Variants in MED13L observed in about 807,000 individuals in gnomAD.
The protein encoded by MED13L is mediator of RNA polymerase II transcription subunit 13-like.
Under a neutral mutation model 220.9 loss-of-function variants are expected in MED13L, and 7 were observed. The ratio of observed to expected loss-of-function variants is 0.03; its 90% CI spans 0.02 to 0.06. The LOEUF (loss-of-function observed/expected upper bound fraction) is 0.06, where lower values mean the gene tolerates loss of function less well. Among genes scored for constraint, MED13L ranks in the 10% least tolerant of loss-of-function variants. The pLI is 1.00. For missense variants in MED13L, 1,965 were observed against 2,760.5 expected, an observed-to-expected ratio of 0.71 and a Z score of 6.46; for synonymous variants, 1,011 against 1,015.2, an observed-to-expected ratio of 1.00 and a Z score of 0.08.
chr12:116,224,115 G>A (rs1868721803), intron 2 of MED13L, among the ~76,000 whole-genome samples: 1 of 152,160 alleles, frequency 6.6e-6, no homozygotes, highest in East Asian at 1.9e-4. Flanking sequence ...TCCCCATACA[G>A]TTTATAATCT....
chr12:116,142,675 T>C (rs1877178461), intron 2 of MED13L, among the ~76,000 whole-genome samples: 1 of 151,756 alleles, frequency 6.6e-6, no homozygotes, highest in Admixed American at 6.6e-5. Context: ...ACGACAAGAG[T>C]GAGGCCCAGT....
intron 20 of MED13L, 38 bp from the exon 21 acceptor site, chr12:115,983,578 T>C (rs2137275979): frequency 6.2e-7 from 1 of 1,608,406 alleles, no homozygotes; most frequent in South Asian, 1.1e-5. Flanking sequence ...TTTAGTGATA[T>C]TCTGCAGTGT....
At chr12:116,112,343 T>G (rs1874161729) in intron 2 of MED13L, among the ~76,000 whole-genome samples, 1 of 152,218 alleles carries the variant, frequency 6.6e-6, no homozygotes, top group African/African-American at 2.4e-5. Context: ...TCCTCTCTTT[T>G]ACTTGTTATC....
At chr12:115,970,034 C>T (rs765640006) in intron 27 of MED13L, among the ~76,000 whole-genome samples, 11 of 152,046 alleles carry the variant, frequency 7.2e-5, no homozygotes, top group Admixed American at 2.0e-4. Flanking sequence ...TTTTCCTCAT[C>T]CCATTTACCA....
chr12:116,039,282 G>A (rs1881382346), intron 4 of MED13L, among the ~76,000 whole-genome samples: 1 of 152,204 alleles, frequency 6.6e-6, no homozygotes, highest in African/African-American at 2.4e-5. Flanking sequence ...TAGCCTTTCA[G>A]AGACCAGGGC....
At chr12:116,189,751 A>T (rs773744338) in intron 2 of MED13L, among the ~76,000 whole-genome samples, 50 of 152,212 alleles carry the variant, frequency 3.3e-4, no homozygotes, top group Non-Finnish European at 4.7e-4. Context: ...TTTTAGAGTT[A>T]TAAGACCTTT....
At chr12:116,257,968 T>TA (rs1250875246) in intron 1 of MED13L, among the ~76,000 whole-genome samples, 3 of 152,146 alleles carry the variant, frequency 2.0e-5, no homozygotes, top group Non-Finnish European at 4.4e-5. Context: ...GATGAAACTT[T>TA]AAAAAAACGT....
chr12:116,218,331 C>G (rs1485701102), intron 2 of MED13L, among the ~76,000 whole-genome samples: 1 of 152,202 alleles, frequency 6.6e-6, no homozygotes, highest in Non-Finnish European at 1.5e-5. Flanking sequence ...CCCACTCCTT[C>G]TAAATATAAC....
intron 2 of MED13L, among the ~76,000 whole-genome samples, chr12:116,136,449 T>C (rs915893071): frequency 6.6e-6 from 1 of 152,234 alleles, no homozygotes; most frequent in African/African-American, 2.4e-5. Flanking sequence ...TGTATGTGTG[T>C]GTGTATGAGA....
chr12:116,246,806 G>A (rs1871132139), intron 1 of MED13L, among the ~76,000 whole-genome samples: 1 of 83,292 alleles, frequency 1.2e-5, no homozygotes, highest in South Asian at 5.6e-4. Context: ...GGGGAGGGAG[G>A]TGGGGAGGGG....
intron 4 of MED13L, among the ~76,000 whole-genome samples, chr12:116,023,994 T>A (rs897048893): frequency 4.6e-5 from 7 of 152,116 alleles, no homozygotes; most frequent in African/African-American, 1.7e-4. Flanking sequence ...AAAATATAGT[T>A]TTACTGATTG....
At chr12:116,082,986 T>C (rs1437145329) in intron 4 of MED13L, among the ~76,000 whole-genome samples, 2 of 152,260 alleles carry the variant, frequency 1.3e-5, no homozygotes, top group Non-Finnish European at 1.5e-5. Context: ...CATTTAATTT[T>C]GACAAGTTGA....
At chr12:116,106,857 G>C (rs1873626127) in intron 3 of MED13L, among the ~76,000 whole-genome samples, 1 of 148,368 alleles carries the variant, frequency 6.7e-6, no homozygotes, top group African/African-American at 2.5e-5. Context: ...AAAAAAAAAG[G>C]GAAAAAAAAA....
intron 4 of MED13L, among the ~76,000 whole-genome samples, chr12:116,040,401 C>A (rs894636087): frequency 3.3e-5 from 5 of 152,164 alleles, no homozygotes; most frequent in Admixed American, 2.6e-4. Flanking sequence ...ACTACAAAAT[C>A]TGATTAATAT....
At chr12:116,236,727 A>T in intron 2 of MED13L, 1 of 588,466 alleles carries the variant, frequency 1.7e-6, no homozygotes, top group African/African-American at 2.0e-5. Context: ...AAAGGTAAAA[A>T]TTTTTACCAG....
intron 3 of MED13L, among the ~76,000 whole-genome samples, chr12:116,102,703 C>CTTTTTCCTTTTTTTTTTTTT (rs1873177298): frequency 3.2e-5 from 2 of 63,204 alleles, no homozygotes; most frequent in African/African-American, 1.1e-4. Context: ...TTTTCTTTTT[C>CTTTTTCCTTTTTTTTTTTTT]TTTTTTCTTT....
At chr12:116,225,107 T>G (rs1868836589) in intron 2 of MED13L, among the ~76,000 whole-genome samples, 1 of 152,244 alleles carries the variant, frequency 6.6e-6, no homozygotes, top group African/African-American at 2.4e-5. Context: ...CTGAGCTGAA[T>G]CAGTACTGAC....
chr12:116,148,962 T>C (rs1157787851), intron 2 of MED13L, among the ~76,000 whole-genome samples: 1 of 152,232 alleles, frequency 6.6e-6, no homozygotes, highest in African/African-American at 2.4e-5. Context: ...AATGATCTTA[T>C]AACTGTACTA....
At chr12:116,198,085 T>C (rs2138295905) in intron 2 of MED13L, among the ~76,000 whole-genome samples, 1 of 152,314 alleles carries the variant, frequency 6.6e-6, no homozygotes, top group African/African-American at 2.4e-5. Flanking sequence ...AACATGATGT[T>C]ATTTGTTACT....
Sources: allele counts gnomAD v4.1 joint callset (sites outside exome capture counted in the v4.1 genomes callset), GRCh38; gene constraint gnomAD v4.1.1; transcripts MANE v1.5; gene names NCBI Gene and HGNC (gene_info 2026-07-23, HGNC 2026-07-21).